REPS2: variants seen among roughly 807,000 people sequenced by gnomAD.
The protein encoded by REPS2 is RALBP1 associated Eps domain containing 2, also known as ralBP1-associated Eps domain-containing protein 2.
In REPS2, 23 loss-of-function variants were observed where a neutral mutation model predicts 53.6. That is an observed-to-expected ratio of 0.43 (90% confidence interval 0.31 to 0.61). REPS2 has a LOEUF of 0.61. REPS2 is among the 20% of genes least tolerant of loss of function. The pLI, the probability that REPS2 is intolerant of heterozygous loss-of-function variation, is 0.11. For synonymous variants in REPS2, 238 were observed against 218.6 expected, an observed-to-expected ratio of 1.09 and a Z score of -0.78; for missense variants, 446 against 534.9, an observed-to-expected ratio of 0.83 and a Z score of 1.64.
intron 2 of REPS2, among the ~76,000 whole-genome samples, chrX:17,017,180 C>T (rs1406499379): frequency 9.0e-6 from 1 of 111,460 alleles, no homozygotes. Context: ...CCATGTTGCC[C>T]ACACTGGTCT....
chrX:17,194,125 T>G, the REPS2 span, among the ~76,000 whole-genome samples: 2 of 111,967 alleles, frequency 1.8e-5, no homozygotes, highest in African/African-American at 6.5e-5. Context: ...TCTAACCTGC[T>G]ACTTGCCAAT....
Position 17,047,463 on chromosome X carries a change from C to G in REPS2, c.888C>G (p.Asp296Glu). The change falls in exon 6 of 18, where the codon GAC becomes GAG. Residue 296 changes from aspartate to glutamate, a missense_variant. Coordinates refer to ENST00000357277, the MANE Select transcript of REPS2 (RefSeq NM_004726.3). ...YVNQFRSLQP[D>E]PSSFISGSVA... ...ATCAGTTCCGATCCCTTCAGCCAGA[C>G]CCAAGCTCTTTCATTTCAGGTAAGA... 8.3e-7 allele frequency: 1 copy of G among 1,209,754 alleles called. No homozygotes were observed. Among genetic ancestry groups the G allele is most frequent in the Non-Finnish European group, 1.1e-6 (1 of 894,892 alleles).
At chrX:17,186,600 A>G in the REPS2 span, among the ~76,000 whole-genome samples, 2 of 112,207 alleles carry the variant, frequency 1.8e-5, no homozygotes, top group African/African-American at 6.5e-5. Context: ...AGTAGCATTT[A>G]TTGTATTCTT....
At chrX:17,010,732 A>G (rs1171679990) in intron 2 of REPS2, among the ~76,000 whole-genome samples, 2 of 111,375 alleles carry the variant, frequency 1.8e-5, no homozygotes, top group Admixed American at 9.6e-5. Flanking sequence ...TGTCTTAATC[A>G]TCTGCCACTC....
intron 1 of REPS2, among the ~76,000 whole-genome samples, chrX:16,958,257 T>TA (rs2060620949): frequency 9.0e-6 from 1 of 111,517 alleles, no homozygotes; most frequent in African/African-American, 3.3e-5. Flanking sequence ...AATTCTTGCT[T>TA]AAACGGGGTG....
intron 17 of REPS2, among the ~76,000 whole-genome samples, chrX:17,141,022 G>C (rs1384933354): frequency 9.0e-6 from 1 of 111,498 alleles, no homozygotes; most frequent in Non-Finnish European, 1.9e-5. Context: ...TGCCCGCCTA[G>C]GTCTCCCAGA....
intron 8 of REPS2, among the ~76,000 whole-genome samples, chrX:17,058,328 C>T (rs1185158081): frequency 9.1e-6 from 1 of 109,301 alleles, no homozygotes; most frequent in East Asian, 2.9e-4. Flanking sequence ...TGGCGCACAC[C>T]TGTAGTCCTA....
At chrX:17,038,420 C>T (rs376822620) in intron 5 of REPS2, among the ~76,000 whole-genome samples, 29 of 111,947 alleles carry the variant, frequency 2.6e-4, no homozygotes, top group African/African-American at 8.1e-4. Flanking sequence ...AACCGCACAG[C>T]AGAGCTGGGC....
downstream of REPS2, among the ~76,000 whole-genome samples, chrX:17,154,606 C>A (rs2063597334): frequency 8.9e-6 from 1 of 112,741 alleles, no homozygotes; most frequent in African/African-American, 3.2e-5. Context: ...AGACTCCTTA[C>A]ATGTGTGGCA....
intron 1 of REPS2, among the ~76,000 whole-genome samples, chrX:17,001,419 T>A (rs903077313): frequency 1.2e-4 from 13 of 112,464 alleles, no homozygotes; most frequent in African/African-American, 4.2e-4. Context: ...CAGAAACTTT[T>A]GACTTTAATG....
At chrX:16,963,563 A>G (rs945539362) in intron 1 of REPS2, among the ~76,000 whole-genome samples, 2 of 112,315 alleles carry the variant, frequency 1.8e-5, no homozygotes, top group Non-Finnish European at 3.8e-5. Flanking sequence ...CTCTCTCAAA[A>G]TGTAATTTTA....
chrX:17,069,981 T>A lies in REPS2; in HGVS notation c.1321T>A (p.Ser441Thr), dbSNP rs762501829. 42 of 1,124,384 alleles carry A rather than the reference T, an allele frequency of 3.7e-5. No individual in the cohort carries two copies. The Admixed American group carries it at 1.0e-3, about 27-fold the overall frequency. 92.7% of individuals were successfully genotyped at this position (1,124,384 alleles called of 1,213,427 possible). A position where few individuals can be genotyped will look rare whatever the true frequency, so the allele number is the denominator to read the frequency against. Reference sequence around the variant, plus strand: ...CAATGAAGCCTTACCAAAGGACGTGTCTGAGGATCCAGGTAGGAGAAAACC... The same window carrying A: ...CAATGAAGCCTTACCAAAGGACGTGACTGAGGATCCAGGTAGGAGAAAACC... ...TINEALPKDV[S>T]EDPATPKDSN... Residue 441 changes from serine (S) to threonine (T), a missense_variant, in exon 11 of 18, where the codon TCT becomes ACT. Physicochemically the swap from Ser to Thr is moderately conservative, Grantham distance 58 (BLOSUM62 1). Transcript: ENST00000357277.
At chrX:16,968,237 A>G (rs1294594296) in intron 1 of REPS2, among the ~76,000 whole-genome samples, 1 of 111,284 alleles carries the variant, frequency 9.0e-6, no homozygotes, top group African/African-American at 3.3e-5. Context: ...TCCCATGTCT[A>G]CCTCTTTCTA....
At chrX:16,965,089 G>T (rs1403009012) in intron 1 of REPS2, among the ~76,000 whole-genome samples, 1 of 91,326 alleles carries the variant, frequency 1.1e-5, no homozygotes, top group Non-Finnish European at 2.2e-5. Flanking sequence ...CGGGCGGGGG[G>T]CTGACCCCCC....
At chrX:16,967,876 G>A (rs910160574) in intron 1 of REPS2, among the ~76,000 whole-genome samples, 1 of 106,277 alleles carries the variant, frequency 9.4e-6, no homozygotes, top group Non-Finnish European at 1.9e-5. Context: ...TCATTCTTAG[G>A]TGTTTCTCGC....
At chrX:17,178,122 T>C in the REPS2 span, among the ~76,000 whole-genome samples, 24 of 112,052 alleles carry the variant, frequency 2.1e-4, no homozygotes, top group African/African-American at 7.8e-4. Context: ...GGTTTATGTT[T>C]TTGGTAAATA....
chrX:17,174,349 C>G, the REPS2 span, among the ~76,000 whole-genome samples: 1 of 112,407 alleles, frequency 8.9e-6, no homozygotes. Flanking sequence ...ATTCTCACCT[C>G]TGGTTGCACA....
At chrX:17,143,633 C>CTTTCTTTCCTCTTCCTACAT (rs1234984160) in intron 17 of REPS2, among the ~76,000 whole-genome samples, 1 of 106,244 alleles carries the variant, frequency 9.4e-6, no homozygotes, top group Non-Finnish European at 1.9e-5. Flanking sequence ...CTTCTGTTTT[C>CTTTCTTTCCTCTTCCTACAT]TTTCTTTTCT....
chrX:17,142,864 G>A (rs1043009099), intron 17 of REPS2, among the ~76,000 whole-genome samples: 4 of 111,745 alleles, frequency 3.6e-5, no homozygotes, highest in African/African-American at 9.8e-5. Flanking sequence ...ATTTATGTTC[G>A]CTCAAAAATC....
Sources: allele counts gnomAD v4.1 joint callset (sites outside exome capture counted in the v4.1 genomes callset), GRCh38; gene constraint gnomAD v4.1.1; transcripts MANE v1.5; gene names NCBI Gene and HGNC (gene_info 2026-07-23, HGNC 2026-07-21).